ZNF782: variants seen among roughly 807,000 people sequenced by gnomAD.
ZNF782 encodes the protein zinc finger protein 782.
In ZNF782, 12 loss-of-function variants were observed where a neutral mutation model predicts 13.0. The ratio of observed to expected loss-of-function variants is 0.92; its 90% CI spans 0.59 to 1.50. The LOEUF (loss-of-function observed/expected upper bound fraction) is 1.50. Ranked by LOEUF, ZNF782 falls within the 40% of genes most tolerant of loss-of-function variation. ZNF782 has a pLI of 0.00. For missense variants in ZNF782, 770 were observed against 822.9 expected (o/e 0.94, Z 0.79); for synonymous variants, 284 against 283.0 (o/e 1.00, Z -0.04).
rs964868350 is a variant in ZNF782, at chr9:96,852,903, G to A, written c.-95C>T. Reference sequence around the variant, plus strand: ...TTCCTCCTGGCTCTACCACAAACGAGGGATCCCCGGAAACTCACTGAACCT... The same window carrying A: ...TTCCTCCTGGCTCTACCACAAACGAAGGATCCCCGGAAACTCACTGAACCT... On this transcript the variant is annotated 5_prime_UTR_variant, in exon 2 of 6. Coordinates refer to ENST00000481138, the MANE Select transcript of ZNF782 (RefSeq NM_001001662.3). 1 of 152,572 alleles carries A rather than the reference G, an allele frequency of 6.6e-6. No homozygotes were observed. The highest frequency in any genetic ancestry group is 1.5e-5 in the Non-Finnish European group (1 of 68,032). 9.5% of individuals were successfully genotyped at this position (152,572 alleles called of 1,614,324 possible).
At chr9:96,926,960 G>T in the ZNF782 span, among the ~76,000 whole-genome samples, 2 of 152,150 alleles carry the variant, frequency 1.3e-5, no homozygotes, top group Admixed American at 1.3e-4. Flanking sequence ...CTGTGTCTCA[G>T]ATTTTCTTGC....
At chr9:96,868,166 A>C (rs1391272791) in intron 1 of ZNF782, among the ~76,000 whole-genome samples, 1 of 152,262 alleles carries the variant, frequency 6.6e-6, no homozygotes, top group Non-Finnish European at 1.5e-5. Flanking sequence ...GCATTTTTGA[A>C]GATTATACAA....
chr9:96,882,073 A>G, the ZNF782 span, among the ~76,000 whole-genome samples: 1 of 151,934 alleles, frequency 6.6e-6, no homozygotes. Context: ...TTAGGAAATA[A>G]TATTTTTAAT....
rs769205102 is a variant in ZNF782, at chr9:96,844,967, C to A, written c.65G>T (p.Trp22Leu). 8.7e-6 allele frequency: 14 copies of A among 1,613,914 alleles called. No homozygotes were observed. The South Asian group carries it at 1.4e-4, about 16-fold the overall frequency. The change falls in exon 4 of 6, where the codon TGG (tryptophan) becomes TTG (leucine). Residue 22 changes from tryptophan to leucine, a missense_variant. Physicochemically the swap from Trp to Leu is moderately conservative, Grantham distance 61 (BLOSUM62 -2). Coordinates refer to ENST00000481138, the MANE Select transcript of ZNF782 (RefSeq NM_001001662.3). ...CCTCTCAACAGGGCCCATGTGCTGCCACTCCTCCTGGCTGAATTCCACAGT... is the reference window on the plus strand; with the variant it reads ...CCTCTCAACAGGGCCCATGTGCTGCAACTCCTCCTGGCTGAATTCCACAGT... ...DVTVEFSQEE[W>L]QHMGPVERTL...
chr9:96,839,662 C>T (rs1458767933), intron 4 of ZNF782, among the ~76,000 whole-genome samples: 1 of 151,618 alleles, frequency 6.6e-6, no homozygotes, highest in Non-Finnish European at 1.5e-5. Context: ...AATCACTCAC[C>T]CCCCCCACCT....
intron 5 of ZNF782, among the ~76,000 whole-genome samples, chr9:96,826,332 A>T (rs1850619235): frequency 6.6e-6 from 1 of 151,482 alleles, no homozygotes; most frequent in South Asian, 2.1e-4. Context: ...TCTCACTCAT[A>T]GGTGGGAATT....
the ZNF782 span, among the ~76,000 whole-genome samples, chr9:96,907,971 A>AT: frequency 6.6e-6 from 1 of 151,710 alleles, no homozygotes; most frequent in African/African-American, 2.4e-5. Flanking sequence ...AACATTGCTT[A>AT]TTTTTTATCT....
At position 96,827,086 on chromosome 9, in the gene ZNF782, A is replaced by G; in HGVS notation, c.238T>C (p.Ser80Pro). ...EKEKGFLSRN[S>P]PEDSQPDEIS... ...GTTGAATTCAGTAACTCACCTGGGG[A>G]GTTCCTGCTTAGAAATCCTTTCTCT... Residue 80 changes from serine (S) to proline (P), a missense_variant, in exon 5 of 6, where the codon TCC becomes CCC. Ser to Pro is a moderately conservative substitution (Grantham distance 74). Transcript: ENST00000481138. 1 of 1,607,988 alleles carries G rather than the reference A, an allele frequency of 6.2e-7. No individual in the cohort carries two copies. The highest frequency in any genetic ancestry group is 8.5e-7 in the Non-Finnish European group (1 of 1,176,326).
the ZNF782 span, chr9:96,931,936 G>C: frequency 6.2e-7 from 1 of 1,612,034 alleles, no homozygotes; most frequent in South Asian, 1.1e-5. Context: ...GTGGGGCTGG[G>C]GCTTCCAACG....
chr9:96,906,650 C>T, the ZNF782 span, among the ~76,000 whole-genome samples: 2 of 152,194 alleles, frequency 1.3e-5, no homozygotes, highest in Admixed American at 6.5e-5. Context: ...CTTTTATATC[C>T]TCCCAGGCAT....
chr9:96,912,279 T>A, the ZNF782 span, among the ~76,000 whole-genome samples: 2 of 145,678 alleles, frequency 1.4e-5, no homozygotes, highest in Non-Finnish European at 3.0e-5. Context: ...GGCCTTTTTT[T>A]TTTCTGGGAG....
upstream of ZNF782, among the ~76,000 whole-genome samples, chr9:96,880,410 TTTAG>T (rs1404083244): frequency 6.6e-6 from 1 of 151,748 alleles, no homozygotes. Context: ...TGATGCTAGC[TTTAG>T]TTAATTTGTG....
At chr9:96,874,020 T>A (rs1018904758) in intron 1 of ZNF782, among the ~76,000 whole-genome samples, 4 of 152,216 alleles carry the variant, frequency 2.6e-5, no homozygotes, top group Non-Finnish European at 5.9e-5. Context: ...TTAGGGTTAT[T>A]TCCACTTTTG....
At chr9:96,932,978 C>CT in the ZNF782 span, among the ~76,000 whole-genome samples, 1,422 of 129,436 alleles carry the variant, frequency 0.011, 25 homozygotes, top group East Asian at 0.038. Flanking sequence ...CTTTTCTTTT[C>CT]TTTTTTTTTT....
chr9:96,924,888 C>T, the ZNF782 span, among the ~76,000 whole-genome samples: 1 of 152,250 alleles, frequency 6.6e-6, no homozygotes, highest in Non-Finnish European at 1.5e-5. Context: ...GCCTGGGCGT[C>T]CCGCAGGGCC....
At chr9:96,871,859 T>C (rs2118887387) in intron 1 of ZNF782, among the ~76,000 whole-genome samples, 1 of 152,376 alleles carries the variant, frequency 6.6e-6, no homozygotes, top group East Asian at 1.9e-4. Context: ...TTTTATAAAG[T>C]GCCCTTTTCT....
chr9:96,842,051 T>A (rs1005114227), intron 4 of ZNF782, among the ~76,000 whole-genome samples: 1 of 151,936 alleles, frequency 6.6e-6, no homozygotes, highest in South Asian at 2.1e-4. Flanking sequence ...TTCTATAAAC[T>A]AGCAACCTTT....
upstream of ZNF782, among the ~76,000 whole-genome samples, chr9:96,855,227 A>G (rs930330567): frequency 1.3e-5 from 2 of 152,202 alleles, no homozygotes; most frequent in African/African-American, 4.8e-5. Flanking sequence ...TTCCATGCGC[A>G]TTAACGAATT....
At chr9:96,882,203 G>T in the ZNF782 span, among the ~76,000 whole-genome samples, 1 of 151,992 alleles carries the variant, frequency 6.6e-6, no homozygotes, top group African/African-American at 2.4e-5. Flanking sequence ...AAAAAGGGAT[G>T]TTAAAGGTTA....
Sources: gnomAD v4.1 joint callset for allele counts (sites outside exome capture counted in the v4.1 genomes callset) on GRCh38, gnomAD v4.1.1 for gene constraint, MANE v1.5 for transcripts, NCBI Gene and HGNC (gene_info 2026-07-23, HGNC 2026-07-21) for gene names.